Variants in PCED1B observed in about 807,000 individuals in gnomAD.
The protein encoded by PCED1B is PC-esterase domain containing 1B.
For synonymous variants in PCED1B, 251 were observed against 246.1 expected (o/e 1.02, Z -0.19); for missense variants, 573 against 573.9 (o/e 1.00, Z 0.02).
intron 2 of PCED1B, among the ~76,000 whole-genome samples, chr12:47,116,914 T>G (rs1036224314): frequency 6.6e-6 from 1 of 152,228 alleles, no homozygotes; most frequent in Non-Finnish European, 1.5e-5. Context: ...TTTTAGTATA[T>G]TCACAAATAG....
chr12:47,122,046 T>G (rs1414042020), intron 2 of PCED1B, among the ~76,000 whole-genome samples: 4 of 148,222 alleles, frequency 2.7e-5, no homozygotes, highest in Non-Finnish European at 6.0e-5. Context: ...AAAAAAAAGA[T>G]GCTCTGAACT....
intron 2 of PCED1B, among the ~76,000 whole-genome samples, chr12:47,154,779 A>ATG (rs3989869): frequency 0.19 from 27,637 of 146,484 alleles, 2,955 homozygotes; most frequent in Non-Finnish European, 0.26. Context: ...GTGTGTGTGC[A>ATG]TGTGTGTGTG....
In PCED1B at chr12:47,119,906, A is replaced by G. The variant is rs1437245791; in HGVS notation, c.-526+15711A>G. ...TGTTTGAACCCAGGGGGCGGAGGTT[A>G]CATGAACCAAGATCACACCACTGCA... On this transcript the variant is annotated intron_variant, in intron 2 of 3. Coordinates refer to ENST00000546455, the MANE Select transcript of PCED1B (RefSeq NM_138371.3). Among the ~76,000 whole-genome samples, 7 of 151,972 alleles carry G rather than the reference A, an allele frequency of 4.6e-5. No individual in the cohort carries two copies. The South Asian group carries it at 8.3e-4, about 18-fold the overall frequency.
rs1422117062 is a variant in PCED1B, at chr12:47,217,456, GAAAA to G, written c.-58+769_-58+772del. On this transcript the variant is annotated intron_variant, in intron 3 of 3. Transcript: ENST00000546455. ...AAAAAAAAAGAAAGAAAGAAAGAAA[GAAAA>G]AGAAAGAAAGAGAAAGAAAGAAAGA... is the stretch of plus-strand genomic sequence containing the variant. 1.1e-3 allele frequency among the ~76,000 whole-genome samples: 43 copies of G among 40,468 alleles called. 4 individuals carry two copies. Among genetic ancestry groups the G allele is most frequent in the Non-Finnish European group, 1.7e-3 (41 of 23,626 alleles). 26.5% of individuals were successfully genotyped at this position (40,468 alleles called of 152,430 possible). A position where few individuals can be genotyped will look rare whatever the true frequency, so the allele number is the denominator to read the frequency against.
intron 2 of PCED1B, among the ~76,000 whole-genome samples, chr12:47,173,209 A>T (rs1221372302): frequency 2.6e-5 from 4 of 152,178 alleles, no homozygotes; most frequent in Non-Finnish European, 2.9e-5. Flanking sequence ...TCAAAACCTG[A>T]TATGTAACTT....
rs933540585 is a variant in PCED1B at position 47,081,579 on chromosome 12, T to A, written c.-609+1854T>A. 2.0e-5 allele frequency among the ~76,000 whole-genome samples: 3 copies of A among 152,210 alleles called. No homozygotes were observed. In the East Asian group the frequency reaches 5.8e-4, roughly 29 times the overall value. ...CATGCAAGCATTTCTTACTGTGTAC[T>A]TAAAGGGGAGAGGCAGAAGTTGAGA... On this transcript the variant is annotated intron_variant, in intron 1 of 3. Transcript: ENST00000546455.
intron 2 of PCED1B, among the ~76,000 whole-genome samples, chr12:47,127,546 A>G (rs192824798): frequency 2.8e-4 from 43 of 151,388 alleles, no homozygotes; most frequent in African/African-American, 9.9e-4. Flanking sequence ...TGTATTTTTT[A>G]GTAGAAACAG....
chr12:47,153,643 G>C (rs986735161), intron 2 of PCED1B, among the ~76,000 whole-genome samples: 1 of 152,044 alleles, frequency 6.6e-6, no homozygotes, highest in Admixed American at 6.5e-5. Flanking sequence ...GAACCTATTA[G>C]CTCTCCATAG....
intron 2 of PCED1B, among the ~76,000 whole-genome samples, chr12:47,167,307 C>A (rs904205816): frequency 6.6e-6 from 1 of 152,024 alleles, no homozygotes; most frequent in South Asian, 2.1e-4. Flanking sequence ...TTTGTGGTGA[C>A]AAATTCCATA....
chr12:47,212,438 A>G (rs1367367831), intron 2 of PCED1B, among the ~76,000 whole-genome samples: 2 of 152,222 alleles, frequency 1.3e-5, no homozygotes, highest in Non-Finnish European at 2.9e-5. Context: ...AAAAAAATTC[A>G]TGAACTATAG....
At chr12:47,226,886 A>G (rs1183289241) in intron 3 of PCED1B, among the ~76,000 whole-genome samples, 2 of 152,212 alleles carry the variant, frequency 1.3e-5, no homozygotes, top group Admixed American at 6.5e-5. Context: ...ATAAATAAAA[A>G]GAGCTCTGAA....
At chr12:47,117,888 T>G (rs1939499508) in intron 2 of PCED1B, among the ~76,000 whole-genome samples, 1 of 152,240 alleles carries the variant, frequency 6.6e-6, no homozygotes, top group South Asian at 2.1e-4. Context: ...ATGATCACCA[T>G]TCTAACTGGT....
At chr12:47,220,606 G>A (rs765097593) in intron 3 of PCED1B, among the ~76,000 whole-genome samples, 5 of 152,234 alleles carry the variant, frequency 3.3e-5, no homozygotes, top group Admixed American at 1.3e-4. Flanking sequence ...AGTGAGTGCC[G>A]ATGATTACTA....
At chr12:47,109,901 T>C (rs905956335) in intron 2 of PCED1B, among the ~76,000 whole-genome samples, 1 of 152,172 alleles carries the variant, frequency 6.6e-6, no homozygotes, top group Non-Finnish European at 1.5e-5. Flanking sequence ...TCACTGAACA[T>C]GATGATCTCT....
At chr12:47,173,203 A>G (rs568836705) in intron 2 of PCED1B, among the ~76,000 whole-genome samples, 1 of 152,316 alleles carries the variant, frequency 6.6e-6, no homozygotes, top group South Asian at 2.1e-4. Context: ...ATTCCTTCAA[A>G]ACCTGATATG....
chr12:47,213,935 C>G (rs1943170522), intron 2 of PCED1B, among the ~76,000 whole-genome samples: 1 of 152,192 alleles, frequency 6.6e-6, no homozygotes, highest in Non-Finnish European at 1.5e-5. Flanking sequence ...CTTCTGTTCT[C>G]TGGTCTTGGG....
chr12:47,177,369 A>G (rs567025284), intron 2 of PCED1B, among the ~76,000 whole-genome samples: 96 of 152,320 alleles, frequency 6.3e-4, no homozygotes, highest in African/African-American at 2.2e-3. Flanking sequence ...ATCTCCTCAT[A>G]TAAGAGAGCA....
chr12:47,212,593 G>A (rs989172003), intron 2 of PCED1B, among the ~76,000 whole-genome samples: 4 of 152,250 alleles, frequency 2.6e-5, no homozygotes, highest in East Asian at 1.9e-4. Flanking sequence ...CTCCACTTGC[G>A]CAGTCTATTC....
At chr12:47,212,150 G>A (rs1943111957) in intron 2 of PCED1B, among the ~76,000 whole-genome samples, 1 of 151,734 alleles carries the variant, frequency 6.6e-6, no homozygotes, top group Admixed American at 6.6e-5. Context: ...TCACTCCTGT[G>A]GTCCCAGCTA....
Sources: allele counts gnomAD v4.1 joint callset (sites outside exome capture counted in the v4.1 genomes callset), GRCh38; gene constraint gnomAD v4.1.1; transcripts MANE v1.5; gene names NCBI Gene and HGNC (gene_info 2026-07-23, HGNC 2026-07-21).